MAP7: variants seen among roughly 807,000 people sequenced by gnomAD.
MAP7 encodes the protein microtubule associated protein 7, also known as ensconsin.
Under a neutral mutation model 94.8 loss-of-function variants are expected in MAP7, and 52 were observed. That is an observed-to-expected ratio of 0.55 (90% CI 0.44 to 0.69). The LOEUF is 0.69. Among genes scored for constraint, MAP7 ranks in the 30% least tolerant of loss-of-function variants. The pLI is 0.00. For missense variants in MAP7, 940 were observed against 964.6 expected, an observed-to-expected ratio of 0.97 and a Z score of 0.34; for synonymous variants, 350 against 357.0, an observed-to-expected ratio of 0.98 and a Z score of 0.22.
intron 11 of MAP7, 54 bp from the exon 12 acceptor site, chr6:136,361,233 G>GA: frequency 3.8e-6 from 6 of 1,583,280 alleles, no homozygotes; most frequent in Non-Finnish European, 5.1e-6. Context: ...AGAAATCTTT[G>GA]AAGAGAGGCC....
At chr6:136,387,864 T>C (rs1034839079) in intron 5 of MAP7, among the ~76,000 whole-genome samples, 15 of 152,322 alleles carry the variant, frequency 9.8e-5, no homozygotes, top group African/African-American at 3.6e-4. Context: ...TAAATCCAAA[T>C]TTCAATATGA....
Position 136,514,246 on chromosome 6 carries a change from T to C in MAP7, c.67+36096A>G, listed in dbSNP as rs79211579. On this transcript the variant is annotated intron_variant, in intron 1 of 17. Transcript: ENST00000354570. ...AAAGTCAAAATTATTCCTTGATCCA[T>C]GGACTGAAAAATGGATGTTGTGATG... 0.012 allele frequency among the ~76,000 whole-genome samples: 1,901 copies of C among 152,264 alleles called. 85 individuals carry two copies. The East Asian group carries it at 0.14, about 11-fold the overall frequency.
At chr6:136,401,646 G>A (rs1047570257) in intron 3 of MAP7, among the ~76,000 whole-genome samples, 1 of 152,032 alleles carries the variant, frequency 6.6e-6, no homozygotes, top group Non-Finnish European at 1.5e-5. Context: ...TGGGAGGAGG[G>A]GAGAGGGATA....
chr6:136,386,109 C>T (rs751624166), intron 5 of MAP7, among the ~76,000 whole-genome samples: 11 of 152,146 alleles, frequency 7.2e-5, no homozygotes, highest in Non-Finnish European at 1.6e-4. Flanking sequence ...TAGTCGATGG[C>T]CAGCAGCTGG....
chr6:136,525,860 T>C (rs1459652353), intron 1 of MAP7: 1 of 1,535,696 alleles, frequency 6.5e-7, no homozygotes, highest in Non-Finnish European at 8.7e-7. Context: ...TTCCATTCTT[T>C]TGCTGTTCGT....
At chr6:136,369,410 C>T (rs1241083867) in intron 8 of MAP7, among the ~76,000 whole-genome samples, 1 of 152,110 alleles carries the variant, frequency 6.6e-6, no homozygotes, top group African/African-American at 2.4e-5. Context: ...CCTCTCTCTA[C>T]TAAAAATACA....
intron 1 of MAP7, among the ~76,000 whole-genome samples, chr6:136,524,085 CA>C (rs752217683): frequency 4.0e-5 from 6 of 149,912 alleles, no homozygotes; most frequent in East Asian, 2.0e-4. Flanking sequence ...ACTAAAAATA[CA>C]AAAAAAAAGT....
At chr6:136,532,138 G>A (rs972702989) in intron 1 of MAP7, among the ~76,000 whole-genome samples, 3 of 152,130 alleles carry the variant, frequency 2.0e-5, no homozygotes, top group Non-Finnish European at 4.4e-5. Context: ...GAAACAAAGC[G>A]AGCACTTGGA....
chr6:136,476,581 T>A (rs1306369761), intron 1 of MAP7, among the ~76,000 whole-genome samples: 2 of 152,186 alleles, frequency 1.3e-5, no homozygotes, highest in Non-Finnish European at 2.9e-5. Flanking sequence ...AAAGTTGGAA[T>A]AGAGGATATA....
At chr6:136,495,425 T>C (rs1817885219) in intron 1 of MAP7, among the ~76,000 whole-genome samples, 1 of 151,628 alleles carries the variant, frequency 6.6e-6, no homozygotes, top group Admixed American at 6.6e-5. Context: ...CATAGGTTTA[T>C]TTTCATGACA....
In MAP7 at chr6:136,360,997, G is replaced by A. The variant is rs762497241; in HGVS notation, c.1701+8C>T. On this transcript the variant is annotated splice_region_variant and intron_variant, in intron 12 of 17. Coordinates refer to ENST00000354570, the MANE Select transcript of MAP7 (RefSeq NM_003980.6). ...TGGGGCCGGGGCCAGGGTGGGGTGC[G>A]GCCGCACCTGCCTCTGGGCGCGCTC... The A allele has an allele frequency of 3.8e-6, 6 of 1,561,856 alleles. No homozygotes were observed. Among genetic ancestry groups the A allele is most frequent in the South Asian group, 3.4e-5 (3 of 88,068 alleles).
chr6:136,471,942 A>G (rs1464722673), intron 1 of MAP7, among the ~76,000 whole-genome samples: 1 of 152,176 alleles, frequency 6.6e-6, no homozygotes, highest in African/African-American at 2.4e-5. Flanking sequence ...AGTCACTTTT[A>G]AATATTTATG....
Position 136,365,827 on chromosome 6 carries a change from T to C in MAP7, c.1181A>G (p.Asn394Ser), listed in dbSNP as rs752064195. Residue 394 changes from asparagine (N) to serine (S), a missense_variant, in exon 10 of 18, where the codon AAT becomes AGT. Transcript: ENST00000354570. Reference protein sequence around the residue: ...DPEKEPQKVANEPSLKGRAPL... With the variant: ...DPEKEPQKVASEPSLKGRAPL... Reference sequence around the variant, plus strand: ...TGCTCTGCCCTTTAGTGAGGGCTCATTGGCAACTTTCTGAGGTTCCTTCTC... The same window carrying C: ...TGCTCTGCCCTTTAGTGAGGGCTCACTGGCAACTTTCTGAGGTTCCTTCTC... 1.2e-6 allele frequency: 2 copies of C among 1,614,140 alleles called. No homozygotes were observed. Among genetic ancestry groups the C allele is most frequent in the South Asian group, 1.1e-5 (1 of 91,084 alleles).
At chr6:136,453,253 G>A (rs771064106) in intron 1 of MAP7, among the ~76,000 whole-genome samples, 3 of 152,126 alleles carry the variant, frequency 2.0e-5, no homozygotes, top group East Asian at 1.9e-4. Flanking sequence ...TATTTTTCTC[G>A]TGGGTATAAT....
intron 1 of MAP7, chr6:136,526,215 A>T: frequency 3.4e-6 from 4 of 1,193,198 alleles, no homozygotes; most frequent in Admixed American, 4.3e-5. Flanking sequence ...CCTCCCACTG[A>T]CTCCCCGACA....
chr6:136,524,589 T>C (rs1335442597), intron 1 of MAP7, among the ~76,000 whole-genome samples: 2 of 152,234 alleles, frequency 1.3e-5, no homozygotes, highest in Non-Finnish European at 2.9e-5. Context: ...CCAGGTCTGA[T>C]AGTAAATAAA....
At chr6:136,386,676 C>T (rs1182954950) in intron 5 of MAP7, among the ~76,000 whole-genome samples, 1 of 152,172 alleles carries the variant, frequency 6.6e-6, no homozygotes, top group Non-Finnish European at 1.5e-5. Flanking sequence ...ATCTGTATAA[C>T]AGATTTAATA....
chr6:136,494,588 C>T (rs911396906), intron 1 of MAP7, among the ~76,000 whole-genome samples: 20 of 152,104 alleles, frequency 1.3e-4, no homozygotes, highest in Admixed American at 2.6e-4. Flanking sequence ...ATGTCTTTTA[C>T]CATGATTAAG....
rs769411447 is a variant in MAP7, at chr6:136,388,483, T to A, written c.436A>T (p.Thr146Ser). 3 of 1,614,060 alleles carry A rather than the reference T, an allele frequency of 1.9e-6. No homozygotes were observed. The South Asian group carries it at 3.3e-5, about 18-fold the overall frequency. ...KERHEAVVRR[T>S]MERSQKPKQK... is the part of the protein sequence containing the mutation. ...TTTGGCTTCTGGCTCCTTTCCATTG[T>A]GCGCCGTACAACAGCTTCGTGGCGT... is the stretch of plus-strand genomic sequence containing the variant. Residue 146 changes from threonine (T) to serine (S), a missense_variant, in exon 5 of 18, where the codon ACA (threonine) becomes TCA (serine). Transcript: ENST00000354570.
Sources: gnomAD v4.1 joint callset for allele counts (sites outside exome capture counted in the v4.1 genomes callset) on GRCh38, gnomAD v4.1.1 for gene constraint, MANE v1.5 for transcripts, NCBI Gene and HGNC (gene_info 2026-07-23, HGNC 2026-07-21) for gene names.